The following GPR55 variants were observed in gnomAD, a reference collection of about 807,000 sequenced individuals.
GPR55 encodes the protein G protein-coupled receptor 55.
A neutral mutation model predicts 7.9 loss-of-function variants in GPR55; 6 were observed. The ratio of observed to expected loss-of-function variants is 0.76; its 90% CI spans 0.41 to 1.49. The LOEUF is 1.49. Ranked by LOEUF, GPR55 falls within the 40% of genes most tolerant of loss-of-function variation. The pLI is 0.01. For synonymous variants in GPR55, 183 were observed against 166.8 expected (o/e 1.10, Z -0.75); for missense variants, 376 against 406.0 (o/e 0.93, Z 0.63).
upstream of GPR55, among the ~76,000 whole-genome samples, chr2:230,925,815 G>A (rs1158121853): frequency 2.0e-5 from 3 of 152,138 alleles, no homozygotes; most frequent in Admixed American, 6.5e-5. Flanking sequence ...CCCCAGCCTC[G>A]GCTTCTCTGT....
chr2:230,911,129 C>G (rs114869253), intron 1 of GPR55, 33 bp from the exon 2 acceptor site: 12 of 664,922 alleles, frequency 1.8e-5, no homozygotes, highest in Non-Finnish European at 2.9e-5. Context: ...TACCTTTAAT[C>G]CTGCTGCCCA....
chr2:230,930,054 C>G (rs976552565), upstream of GPR55: 1 of 152,376 alleles, frequency 6.6e-6, no homozygotes, highest in Non-Finnish European at 1.5e-5. Flanking sequence ...AGCCAGGACC[C>G]CCCCGCCTCC....
At chr2:230,957,732 G>A in intron 1 of GPR55, 1 of 551,340 alleles carries the variant, frequency 1.8e-6, no homozygotes, top group Non-Finnish European at 3.7e-6. Flanking sequence ...GCTGGCTTTG[G>A]ACTTTTTTTT....
In GPR55 at chr2:230,943,691, A is replaced by G. The variant is rs147540041; in HGVS notation, c.-135+17084T>C. ...GTTGGATCATGGGGGTGGATTTCCCATGAATGATCTTGCGCCCTCCCCTTG... is the reference window on the plus strand; with the variant it reads ...GTTGGATCATGGGGGTGGATTTCCCGTGAATGATCTTGCGCCCTCCCCTTG... On this transcript the variant is annotated intron_variant, in intron 1 of 1. Coordinates refer to the GPR55 transcript ENST00000392039. Among the ~76,000 whole-genome samples, 29 of 152,252 alleles carry G rather than the reference A, an allele frequency of 1.9e-4. 1 individual carries two copies. In the East Asian group the frequency reaches 5.4e-3, roughly 28 times the overall value.
At chr2:230,915,053 C>G (rs1690677428) in intron 1 of GPR55, among the ~76,000 whole-genome samples, 2 of 152,250 alleles carry the variant, frequency 1.3e-5, no homozygotes, top group Admixed American at 6.5e-5. Flanking sequence ...CAAAGGTTGC[C>G]TGTTGGAGGA....
chr2:230,942,184 G>A (rs1389726750), intron 1 of GPR55, among the ~76,000 whole-genome samples: 1 of 152,164 alleles, frequency 6.6e-6, no homozygotes, highest in East Asian at 1.9e-4. Context: ...CGTTCAGAGG[G>A]GCCACCCCCA....
At chr2:230,953,000 C>T (rs1691427819) in intron 1 of GPR55, among the ~76,000 whole-genome samples, 1 of 152,224 alleles carries the variant, frequency 6.6e-6, no homozygotes, top group African/African-American at 2.4e-5. Context: ...TCTGTTTCAG[C>T]TGGGCCTTGG....
rs185515939 is a variant in GPR55, at chr2:230,952,890, G to A, written c.-135+7885C>T. The stretch of plus-strand genomic sequence containing the variant: ...CTGCATGGTGGCCCAGGTGCTGGCC[G>A]ATGTCTGCGTCCTCTGCTCCGCCAT... On this transcript the variant is annotated intron_variant, in intron 1 of 1. Coordinates refer to the GPR55 transcript ENST00000392039. Among the ~76,000 whole-genome samples, 14 of 152,314 alleles carry A rather than the reference G, an allele frequency of 9.2e-5. No homozygotes were observed. The East Asian group carries it at 2.3e-3, about 25-fold the overall frequency.
In GPR55 at chr2:230,912,987, C is replaced by T. The variant is rs954129792; in HGVS notation, c.-134-1891G>A. ...ATATATGCAAATATATGCATGCATA[C>T]ATATACATGTATGACTTCTTTAAAA... On this transcript the variant is annotated intron_variant, in intron 1 of 1. Coordinates refer to ENST00000650999, the MANE Select transcript of GPR55 (RefSeq NM_005683.4). 5.3e-5 allele frequency among the ~76,000 whole-genome samples: 8 copies of T among 152,182 alleles called. No individual in the cohort carries two copies. In the East Asian group the frequency reaches 9.6e-4, roughly 18 times the overall value.
chr2:230,955,085 ATG>A (rs1691460556), intron 1 of GPR55, among the ~76,000 whole-genome samples: 2 of 152,256 alleles, frequency 1.3e-5, no homozygotes, highest in South Asian at 4.1e-4. Flanking sequence ...TCCCTTTACT[ATG>A]TGACAGTAAT....
intron 1 of GPR55, among the ~76,000 whole-genome samples, chr2:230,914,668 G>T (rs367580195): frequency 6.6e-6 from 1 of 151,940 alleles, no homozygotes; most frequent in Non-Finnish European, 1.5e-5. Context: ...GGAACGGGGC[G>T]GGGGGCAGCA....
intron 1 of GPR55, among the ~76,000 whole-genome samples, chr2:230,936,218 C>A (rs1392282309): frequency 1.3e-5 from 2 of 152,138 alleles, no homozygotes; most frequent in Non-Finnish European, 2.9e-5. Flanking sequence ...TGAATTTTGG[C>A]AGAGGAAACC....
At chr2:230,922,299 T>C (rs567045876) in intron 1 of GPR55, among the ~76,000 whole-genome samples, 1 of 152,288 alleles carries the variant, frequency 6.6e-6, no homozygotes, top group African/African-American at 2.4e-5. Context: ...CTCCCTCTGC[T>C]TGGGGGTTTC....
At position 230,909,830 on chromosome 2, in the gene GPR55, G is replaced by GA; in HGVS notation, c.*172dup. 1.5e-6 allele frequency: 1 copy of GA among 663,860 alleles called. No homozygotes were observed. Among genetic ancestry groups the GA allele is most frequent in the Admixed American group, 2.8e-5 (1 of 35,152 alleles). The allele number at this position is 663,860 out of a possible 1,614,324, so 41.1% of individuals were successfully genotyped here. ...GGTGGTATAAGCTGTCTGGGCAGTG[G>GA]AAAAAAGGTCTTTGGGGTATAATGA... On this transcript the variant is annotated 3_prime_UTR_variant, in exon 2 of 2. Coordinates refer to ENST00000650999, the MANE Select transcript of GPR55 (RefSeq NM_005683.4).
chr2:230,907,790 T>C lies in GPR55; in HGVS notation c.*2213A>G, dbSNP rs532668838. On this transcript the variant is annotated 3_prime_UTR_variant, in exon 2 of 2. Coordinates refer to ENST00000650999, the MANE Select transcript of GPR55 (RefSeq NM_005683.4). ...CATGCTGCACATAGATAAGATTTTA[T>C]GTTTGAACATCGCTGGGGATGATAG... 1.3e-5 allele frequency: 2 copies of C among 152,376 alleles called. No homozygotes were observed. The highest frequency in any genetic ancestry group is 1.9e-4 in the East Asian group (1 of 5,192). 9.4% of individuals were successfully genotyped at this position (152,376 alleles called of 1,614,324 possible).
intron 1 of GPR55, among the ~76,000 whole-genome samples, chr2:230,932,022 G>T (rs1037508236): frequency 1.3e-5 from 2 of 152,090 alleles, no homozygotes; most frequent in African/African-American, 4.8e-5. Flanking sequence ...CTCACCTCCA[G>T]CTCCTCACCA....
chr2:230,933,244 G>T (rs1691078060), intron 1 of GPR55, among the ~76,000 whole-genome samples: 1 of 91,300 alleles, frequency 1.1e-5, no homozygotes, highest in Non-Finnish European at 2.3e-5. Flanking sequence ...CACTCTTCCT[G>T]TGCTCTTGAC....
chr2:230,925,050 A>G (rs1251448429), intron 1 of GPR55, 118 bp downstream of exon 1: 1 of 152,746 alleles, frequency 6.5e-6, no homozygotes, highest in Non-Finnish European at 1.5e-5. Flanking sequence ...AGGTGTGCAC[A>G]AAGCCCAGGC....
intron 1 of GPR55, among the ~76,000 whole-genome samples, chr2:230,932,537 T>C (rs1231771730): frequency 6.6e-6 from 1 of 152,246 alleles, no homozygotes; most frequent in African/African-American, 2.4e-5. Context: ...CTCTTCTAAA[T>C]GAAGACAGCA....
Sources: gnomAD v4.1 joint callset for allele counts (sites outside exome capture counted in the v4.1 genomes callset) on GRCh38, gnomAD v4.1.1 for gene constraint, MANE v1.5 for transcripts, NCBI Gene and HGNC (gene_info 2026-07-23, HGNC 2026-07-21) for gene names.